Variants in BRCA1 observed in about 807,000 individuals in gnomAD.
BRCA1 encodes the protein BRCA1 DNA repair associated, also known as breast cancer type 1 susceptibility protein.
BRCA1 carries 140 observed loss-of-function variants against 173.7 expected under a neutral mutation model. The ratio of observed to expected loss-of-function variants is 0.81; its 90% CI spans 0.70 to 0.93. The LOEUF (loss-of-function observed/expected upper bound fraction) is 0.93. Ranked by LOEUF, BRCA1 falls within the 40% of genes least tolerant of loss-of-function variation. The probability of loss-of-function intolerance (pLI) is 0.00; values close to 1 mark genes in which losing one functional copy is unlikely to be tolerated. For missense variants in BRCA1, 1,983 were observed against 2,172.5 expected (o/e 0.91, Z 1.73); for synonymous variants, 662 against 756.0 (o/e 0.88, Z 2.04).
intron 18 of BRCA1, among the ~76,000 whole-genome samples, chr17:43,059,513 C>A (rs570513790): frequency 1.3e-5 from 2 of 151,160 alleles, no homozygotes; most frequent in Admixed American, 6.6e-5. Flanking sequence ...ACAACAACAA[C>A]AAATTCTCAC....
upstream of BRCA1, among the ~76,000 whole-genome samples, chr17:43,126,999 C>T (rs2055897903): frequency 6.6e-6 from 1 of 152,212 alleles, no homozygotes; most frequent in Admixed American, 6.5e-5. Context: ...GGTCCCCCAG[C>T]ACTGCCGGCC....
chr17:43,046,729 T>TGCTAAGTG (rs1899513675), intron 22 of BRCA1, among the ~76,000 whole-genome samples: 1 of 144,952 alleles, frequency 6.9e-6, no homozygotes. Context: ...CACTCCAGCC[T>TGCTAAGTG]GCTAAGTGAC....
chr17:43,086,109 T>TACACACACAC (rs376686434), intron 11 of BRCA1, among the ~76,000 whole-genome samples: 2,414 of 137,398 alleles, frequency 0.018, 30 homozygotes, highest in African/African-American at 0.037. Context: ...ATCACATACA[T>TACACACACAC]ACACACACAC....
rs80356864 is a variant in BRCA1, at chr17:43,106,508, G to T, written c.160C>A (p.Gln54Lys). 1 of 1,602,592 alleles carries T rather than the reference G, an allele frequency of 6.2e-7. No homozygotes were observed. Among genetic ancestry groups the T allele is most frequent in the Non-Finnish European group, 8.5e-7 (1 of 1,170,620 alleles). ...GGACACTGTGAAGGCCCTTTCTTCT[G>T]GTTGAGAAGTTTCAGCATGCAAAAT... ...CKFCMLKLLN[Q>K]KKGPSQCPLC... The change falls in exon 4 of 23, where the codon CAG (glutamine) becomes AAG (lysine). Residue 54 changes from glutamine (Q) to lysine (K), a missense_variant. By Grantham distance (53) the Gln-to-Lys change is moderately conservative. Coordinates refer to ENST00000357654, the MANE Select transcript of BRCA1 (RefSeq NM_007294.4).
At chr17:43,067,733 C>G (rs759950362) in intron 15 of BRCA1, 38 bp from the exon 16 acceptor site, 1 of 1,489,528 alleles carries the variant, frequency 6.7e-7, no homozygotes, top group Non-Finnish European at 9.4e-7. Flanking sequence ...CATGAGTTAC[C>G]TCTAGCACAC....
At chr17:43,163,418 TTATC>T (rs1371374083) in intron 1 of BRCA1, 1 of 152,228 alleles carries the variant, frequency 6.6e-6, no homozygotes, top group East Asian at 1.9e-4. Context: ...TAGATGTAGT[TTATC>T]TAATCTACAT....
chr17:43,111,275 T>C (rs1400412406), intron 3 of BRCA1, among the ~76,000 whole-genome samples: 1 of 152,116 alleles, frequency 6.6e-6, no homozygotes, highest in East Asian at 1.9e-4. Flanking sequence ...ATCCTGGCAC[T>C]GTGGGAGGCC....
At chr17:43,048,069 A>AT (rs943503086) in intron 21 of BRCA1, among the ~76,000 whole-genome samples, 3 of 149,866 alleles carry the variant, frequency 2.0e-5, no homozygotes, top group African/African-American at 7.4e-5. Context: ...ATTTTTAATA[A>AT]TTTTTTTGTA....
At chr17:43,133,032 A>C (rs2055983354) in intron 1 of BRCA1, 1 of 152,086 alleles carries the variant, frequency 6.6e-6, no homozygotes, top group African/African-American at 2.4e-5. Context: ...TCGGTCTCCC[A>C]AAGTGCTGGG....
At chr17:43,134,004 A>T (rs946898907) in intron 1 of BRCA1, among the ~76,000 whole-genome samples, 2 of 152,094 alleles carry the variant, frequency 1.3e-5, no homozygotes, top group African/African-American at 4.8e-5. Flanking sequence ...CTGTATTTCT[A>T]TCTGCTGGCC....
At chr17:43,109,150 C>T (rs2054930710) in intron 3 of BRCA1, among the ~76,000 whole-genome samples, 1 of 151,998 alleles carries the variant, frequency 6.6e-6, no homozygotes, top group Non-Finnish European at 1.5e-5. Flanking sequence ...TGAGCCATTG[C>T]GCTGGGCTAC....
At position 43,093,675 on chromosome 17, in the gene BRCA1, T is replaced by G. The variant is rs771890863; in HGVS notation, c.1856A>C (p.His619Pro). 6.2e-7 allele frequency: 1 copy of G among 1,614,120 alleles called. No individual in the cohort carries two copies. The highest frequency in any genetic ancestry group is 1.7e-5 in the Admixed American group (1 of 60,016). ...NRLRRKSSTR[H>P]IHALELVVSR... ...GACTACTAGTTCAAGCGCATGAATA[T>G]GCCTGGTAGAAGACTTCCTCCTCAG... The change falls in exon 10 of 23, where the codon CAT (histidine) becomes CCT (proline). Residue 619 changes from histidine to proline, a missense_variant. Transcript: ENST00000357654.
At chr17:43,099,443 T>A (rs2054275281) in intron 7 of BRCA1, among the ~76,000 whole-genome samples, 1 of 151,654 alleles carries the variant, frequency 6.6e-6, no homozygotes, top group South Asian at 2.1e-4. Flanking sequence ...GCTAATTTTT[T>A]ATTTTTTGGT....
intron 1 of BRCA1, chr17:43,159,874 A>C (rs1338275644): frequency 7.8e-5 from 12 of 153,336 alleles, no homozygotes; most frequent in Non-Finnish European, 1.6e-4. Context: ...TGTGAACAGT[A>C]CAGTCCCCTT....
At chr17:43,047,177 G>A (rs1210319200) in intron 22 of BRCA1, among the ~76,000 whole-genome samples, 1 of 151,946 alleles carries the variant, frequency 6.6e-6, no homozygotes, top group Non-Finnish European at 1.5e-5. Context: ...GTGGCTCACT[G>A]AAGCATCAAC....
intron 7 of BRCA1, 121 bp from the exon 8 acceptor site, chr17:43,097,410 G>C: frequency 1.1e-6 from 1 of 891,674 alleles, no homozygotes; most frequent in Non-Finnish European, 1.9e-6. Flanking sequence ...ATCTACTGTG[G>C]CAGGTACAAT....
intron 5 of BRCA1, 103 bp downstream of exon 5, chr17:43,104,765 G>A (rs1406805017): frequency 3.9e-6 from 4 of 1,025,120 alleles, no homozygotes; most frequent in South Asian, 2.6e-5. Flanking sequence ...AATTAACCTA[G>A]ACTAAAAGGT....
At chr17:43,124,317 A>T (rs937151929) in intron 1 of BRCA1, among the ~76,000 whole-genome samples, 15 of 152,188 alleles carry the variant, frequency 9.9e-5, no homozygotes, top group African/African-American at 3.4e-4. Flanking sequence ...TAAATTCTGA[A>T]TTTTTTCACA....
At chr17:43,139,031 G>T (rs1187968230) in intron 1 of BRCA1, 7 of 746,092 alleles carry the variant, frequency 9.4e-6, no homozygotes, top group Non-Finnish European at 1.5e-5. Flanking sequence ...CTTTTTGTTT[G>T]AAATATCTAG....
Sources: gnomAD v4.1 joint callset for allele counts (sites outside exome capture counted in the v4.1 genomes callset) on GRCh38, gnomAD v4.1.1 for gene constraint, MANE v1.5 for transcripts, NCBI Gene and HGNC (gene_info 2026-07-23, HGNC 2026-07-21) for gene names.